THRSP: variants seen among roughly 807,000 people sequenced by gnomAD.
THRSP encodes thyroid hormone-inducible hepatic protein.
A neutral mutation model predicts 11.1 loss-of-function variants in THRSP; 9 were observed. The ratio of observed to expected loss-of-function variants is 0.81; its 90% CI spans 0.49 to 1.42. The LOEUF is 1.42. Among genes scored for constraint, THRSP ranks in the 40% most tolerant of loss-of-function variants. THRSP has a pLI of 0.00. For synonymous variants in THRSP, 73 were observed against 78.1 expected, an observed-to-expected ratio of 0.94 and a Z score of 0.34; for missense variants, 177 against 188.2, an observed-to-expected ratio of 0.94 and a Z score of 0.35.
Position 78,064,263 on chromosome 11 carries a change from A to G in THRSP, c.382A>G (p.Thr128Ala), listed in dbSNP as rs1858666224. Residue 128 changes from threonine (T) to alanine (A), a missense_variant, in exon 1 of 2, where the codon ACC becomes GCC. Transcript: ENST00000281030. ...SSLHHILMHL[T>A]EKAQEVTRKY... ...CCTCCATCACATCCTCATGCACCTC[A>G]CCGAGAAAGCCCAGGAGGTGACAAG... 1 of 1,613,714 alleles carries G rather than the reference A, an allele frequency of 6.2e-7. No homozygotes were observed. The highest frequency in any genetic ancestry group is 1.1e-5 in the South Asian group (1 of 91,062).
intron 1 of THRSP, among the ~76,000 whole-genome samples, chr11:78,066,888 G>A (rs1403746729): frequency 2.0e-5 from 3 of 151,828 alleles, no homozygotes; most frequent in Non-Finnish European, 4.4e-5. Flanking sequence ...GTGCAGTGGC[G>A]CGATCTCAGC....
chr11:78,064,457 T>A (rs1321928493), intron 1 of THRSP, 116 bp downstream of exon 1: 1 of 908,820 alleles, frequency 1.1e-6, no homozygotes. Flanking sequence ...ACAGAGCCAC[T>A]CTTGGGTCAG....
In THRSP at chr11:78,063,935, C is replaced by T. The variant is rs1222709381; in HGVS notation, c.54C>T (p.Asp18=). 2.5e-6 allele frequency: 4 copies of T among 1,609,678 alleles called. No homozygotes were observed. Among genetic ancestry groups the T allele is most frequent in the Non-Finnish European group, 3.4e-6 (4 of 1,178,024 alleles). The change falls in exon 1 of 2, where the codon GAC becomes GAT. Residue 18 remains aspartate (D), a synonymous_variant. Transcript: ENST00000281030. ...AGAACTGCCTGCTGACCGTCATGGACCGGTATGCAGCCGAGGTGCACAACA... is the reference window on the plus strand; with the variant it reads ...AGAACTGCCTGCTGACCGTCATGGATCGGTATGCAGCCGAGGTGCACAACA... The part of the protein sequence containing the change: ...YPKNCLLTVM[D]RYAAEVHNME...
intron 1 of THRSP, among the ~76,000 whole-genome samples, chr11:78,065,436 A>G (rs1565327383): frequency 1.3e-5 from 2 of 152,134 alleles, no homozygotes; most frequent in Non-Finnish European, 2.9e-5. Context: ...GGTCACCACT[A>G]GTTCACTCAT....
chr11:78,065,056 T>C (rs1858698365), intron 1 of THRSP, among the ~76,000 whole-genome samples: 1 of 151,830 alleles, frequency 6.6e-6, no homozygotes, highest in Non-Finnish European at 1.5e-5. Flanking sequence ...ATTCCATTTG[T>C]GTGACAGTGT....
chr11:78,064,295 C>A lies in THRSP; in HGVS notation c.414C>A (p.Tyr138Ter). ...TEKAQEVTRK[Y>*]QEMTGQVW ...AAGCCCAGGAGGTGACAAGGAAATA[C>A]CAGGAAATGACGGGACAAGTTTGGT... Residue 138 changes from tyrosine (Y) to a stop codon, truncating the protein, a stop_gained, in exon 1 of 2, where the codon TAC becomes TAA. Transcript: ENST00000281030. LOFTEE classifies it high-confidence loss of function. 1.2e-6 allele frequency: 2 copies of A among 1,612,302 alleles called. No individual in the cohort carries two copies. Among genetic ancestry groups the A allele is most frequent in the Non-Finnish European group, 1.7e-6 (2 of 1,179,250 alleles).
At position 78,064,000 on chromosome 11, in the gene THRSP, T is replaced by TG. The variant is rs1357983933; in HGVS notation, c.120dup (p.Gln41AlafsTer12). ...ATGATCCCCAGCCTTCTGCGGGACG[T>TG]GCAGCTGAGTGGGCCTGGGGGCCAG... On this transcript the variant is annotated frameshift_variant, in exon 1 of 2. Coordinates refer to ENST00000281030, the MANE Select transcript of THRSP (RefSeq NM_003251.4). LOFTEE classifies it high-confidence loss of function. The TG allele has an allele frequency of 6.2e-7, 1 of 1,614,022 alleles. No homozygotes were observed. The highest frequency in any genetic ancestry group is 1.7e-5 in the Admixed American group (1 of 60,022).
chr11:78,064,288 G>A lies in THRSP; in HGVS notation c.407G>A (p.Arg136Lys), dbSNP rs749161109. Residue 136 changes from arginine (R) to lysine (K), a missense_variant, in exon 1 of 2, where the codon AGG becomes AAG. Coordinates refer to ENST00000281030, the MANE Select transcript of THRSP (RefSeq NM_003251.4). ...ACCGAGAAAGCCCAGGAGGTGACAAGGAAATACCAGGAAATGACGGGACAA... is the reference window on the plus strand; with the variant it reads ...ACCGAGAAAGCCCAGGAGGTGACAAAGAAATACCAGGAAATGACGGGACAA... ...HLTEKAQEVT[R>K]KYQEMTGQVW The A allele has an allele frequency of 5.6e-6, 9 of 1,612,672 alleles. No individual in the cohort carries two copies. Among genetic ancestry groups the A allele is most frequent in the Non-Finnish European group, 5.1e-6 (6 of 1,179,348 alleles).
chr11:78,064,474 G>A lies in THRSP; in HGVS notation c.*19+133G>A, dbSNP rs527422031. Reference sequence around the variant, plus strand: ...AGAGCCACTCTTGGGTCAGGGTATTGGGACCACAACCTAGGAGGGCCTAAG... The same window carrying A: ...AGAGCCACTCTTGGGTCAGGGTATTAGGACCACAACCTAGGAGGGCCTAAG... On this transcript the variant is annotated intron_variant, in intron 1 of 1. Coordinates refer to ENST00000281030, the MANE Select transcript of THRSP (RefSeq NM_003251.4). 7.8e-6 allele frequency: 6 copies of A among 765,298 alleles called. No homozygotes were observed. The South Asian group carries it at 9.4e-5, about 12-fold the overall frequency. 47.4% of individuals were successfully genotyped at this position (765,298 alleles called of 1,614,324 possible). A position where few individuals can be genotyped will look rare whatever the true frequency, so the allele number is the denominator to read the frequency against.
At position 78,064,349 on chromosome 11, in the gene THRSP, T is replaced by A; in HGVS notation, c.*19+8T>A. 6 of 1,579,240 alleles carry A rather than the reference T, an allele frequency of 3.8e-6. No individual in the cohort carries two copies. The highest frequency in any genetic ancestry group is 5.2e-6 in the Non-Finnish European group (6 of 1,161,662). ...CCTTGGACACTAGGGAAGGTAATGG[T>A]GGCCATGCTGGTGGGTGTGAGTCTA... is the stretch of plus-strand genomic sequence containing the variant. On this transcript the variant is annotated splice_region_variant and intron_variant, in intron 1 of 1. Coordinates refer to ENST00000281030, the MANE Select transcript of THRSP (RefSeq NM_003251.4).
rs139035297 is a variant in THRSP at position 78,064,109 on chromosome 11, G to C, written c.228G>C (p.Pro76=). The stretch of plus-strand genomic sequence containing the variant: ...TGGATGTGGACCATGGGCTGCTGCC[G>C]CGGGAGGAGTGGCAGGCCAAGGTGG... ...ICVDVDHGLL[P]REEWQAKVAG... Residue 76 remains proline (P), a synonymous_variant, in exon 1 of 2, where the codon CCG becomes CCC. Coordinates refer to ENST00000281030, the MANE Select transcript of THRSP (RefSeq NM_003251.4). The C allele has an allele frequency of 2.5e-6, 4 of 1,614,028 alleles. No homozygotes were observed. Among genetic ancestry groups the C allele is most frequent in the Non-Finnish European group, 3.4e-6 (4 of 1,180,040 alleles).
intron 1 of THRSP, among the ~76,000 whole-genome samples, chr11:78,065,385 G>A (rs974228681): frequency 2.0e-5 from 3 of 152,148 alleles, no homozygotes; most frequent in African/African-American, 7.2e-5. Flanking sequence ...TAGACAAGCA[G>A]GTGGTGGCAG....
chr11:78,064,357 C>G lies in THRSP; in HGVS notation c.*19+16C>G, dbSNP rs1461603363. 1.3e-6 allele frequency: 2 copies of G among 1,569,980 alleles called. No homozygotes were observed. The highest frequency in any genetic ancestry group is 2.2e-5 in the East Asian group (1 of 44,506). ...ACTAGGGAAGGTAATGGTGGCCATG[C>G]TGGTGGGTGTGAGTCTACAAAGGGA... On this transcript the variant is annotated intron_variant, in intron 1 of 1. Coordinates refer to ENST00000281030, the MANE Select transcript of THRSP (RefSeq NM_003251.4).
At chr11:78,064,424 G>A in intron 1 of THRSP, 83 bp downstream of exon 1, 2 of 1,184,268 alleles carry the variant, frequency 1.7e-6, no homozygotes, top group Non-Finnish European at 2.4e-6. Context: ...AACCCACTGG[G>A]AGAGGAACAG....
chr11:78,068,192 C>T lies in THRSP; in HGVS notation c.*553C>T, dbSNP rs1370167822. The T allele has an allele frequency of 4.0e-5, 6 of 151,838 alleles. No homozygotes were observed. Among genetic ancestry groups the T allele is most frequent in the East Asian group, 3.9e-4 (2 of 5,188 alleles). 9.4% of individuals were successfully genotyped at this position (151,838 alleles called of 1,614,324 possible). A position where few individuals can be genotyped will look rare whatever the true frequency, so the allele number is the denominator to read the frequency against. The stretch of plus-strand genomic sequence containing the variant: ...TCTCCCCCTCTCCCCAATGTATTTG[C>T]TCTGGCCCTTGCTTTTTACCCTCCA... On this transcript the variant is annotated 3_prime_UTR_variant, in exon 2 of 2. Transcript: ENST00000281030.
In THRSP at chr11:78,064,332, A is replaced by T; in HGVS notation, c.*10A>T. On this transcript the variant is annotated 3_prime_UTR_variant, in exon 1 of 2. Transcript: ENST00000281030. ...GGGACAAGTTTGGTAGACCTTGGAC[A>T]CTAGGGAAGGTAATGGTGGCCATGC... 1 of 1,598,714 alleles carries T rather than the reference A, an allele frequency of 6.3e-7. No homozygotes were observed.
rs1295464724 is a variant in THRSP at position 78,068,207 on chromosome 11, T to C, written c.*568T>C. On this transcript the variant is annotated 3_prime_UTR_variant, in exon 2 of 2. Transcript: ENST00000281030. The stretch of plus-strand genomic sequence containing the variant: ...AATGTATTTGCTCTGGCCCTTGCTT[T>C]TTACCCTCCAGAGCTAAGAGGTAGC... The C allele has an allele frequency of 3.3e-5, 5 of 152,260 alleles. No individual in the cohort carries two copies. In the East Asian group the frequency reaches 9.6e-4, roughly 29 times the overall value. 9.4% of individuals were successfully genotyped at this position (152,260 alleles called of 1,614,324 possible). A position where few individuals can be genotyped will look rare whatever the true frequency, so the allele number is the denominator to read the frequency against.
rs375903633 is a variant in THRSP at position 78,063,998 on chromosome 11, C to T, written c.117C>T (p.Asp39=). 98 of 1,614,020 alleles carry T rather than the reference C, an allele frequency of 6.1e-5. No homozygotes were observed. The highest frequency in any genetic ancestry group is 1.6e-4 in the Middle Eastern group (1 of 6,084). ...QVVMIPSLLR[D]VQLSGPGGQA... ...TGATGATCCCCAGCCTTCTGCGGGA[C>T]GTGCAGCTGAGTGGGCCTGGGGGCC... The change falls in exon 1 of 2, where the codon GAC becomes GAT. Residue 39 remains aspartate, a synonymous_variant. Coordinates refer to ENST00000281030, the MANE Select transcript of THRSP (RefSeq NM_003251.4).
chr11:78,065,879 C>T (rs745716868), intron 1 of THRSP, among the ~76,000 whole-genome samples: 71 of 152,336 alleles, frequency 4.7e-4, no homozygotes, highest in Non-Finnish European at 8.4e-4. Flanking sequence ...TTCCTTCTCC[C>T]GCTTCAAACC....
Sources: gnomAD v4.1 joint callset for allele counts (sites outside exome capture counted in the v4.1 genomes callset) on GRCh38, gnomAD v4.1.1 for gene constraint, MANE v1.5 for transcripts, NCBI Gene and HGNC (gene_info 2026-07-23, HGNC 2026-07-21) for gene names.